ZNF804B: variants seen among roughly 807,000 people sequenced by gnomAD.
The protein encoded by ZNF804B is zinc finger protein 804B, also known as zinc finger 804B.
In ZNF804B, 80 loss-of-function variants were observed where a neutral mutation model predicts 101.4. The observed-to-expected ratio is 0.79, with a 90% CI of 0.66 to 0.95. The LOEUF (loss-of-function observed/expected upper bound fraction) is 0.95, where lower values mean the gene tolerates loss of function less well. Among genes scored for constraint, ZNF804B ranks in the 40% least tolerant of loss-of-function variants. The pLI is 0.00. For synonymous variants in ZNF804B, 622 were observed against 558.8 expected, an observed-to-expected ratio of 1.11 and a Z score of -1.59; for missense variants, 1,673 against 1,561.9, an observed-to-expected ratio of 1.07 and a Z score of -1.20.
chr7:88,999,523 C>T (rs1258654374), intron 1 of ZNF804B, among the ~76,000 whole-genome samples: 1 of 151,866 alleles, frequency 6.6e-6, no homozygotes, highest in East Asian at 1.9e-4. Flanking sequence ...GTCATTTTTC[C>T]TCCAATGAGG....
intron 1 of ZNF804B, among the ~76,000 whole-genome samples, chr7:88,904,379 A>G (rs1316103683): frequency 1.3e-5 from 2 of 151,972 alleles, no homozygotes; most frequent in Non-Finnish European, 2.9e-5. Flanking sequence ...TTGAAGTTGG[A>G]GAGTGTGATG....
intron 2 of ZNF804B, among the ~76,000 whole-genome samples, chr7:89,308,937 A>G (rs1790608530): frequency 6.6e-6 from 1 of 152,184 alleles, no homozygotes; most frequent in African/African-American, 2.4e-5. Flanking sequence ...CATGCCTAAG[A>G]AGAAACTAAT....
intron 1 of ZNF804B, among the ~76,000 whole-genome samples, chr7:88,933,315 T>C (rs1334646360): frequency 6.6e-6 from 1 of 151,746 alleles, no homozygotes; most frequent in African/African-American, 2.4e-5. Context: ...AAAAGACATA[T>C]ATGACAAACC....
chr7:89,275,563 T>C (rs1789968072), intron 2 of ZNF804B, among the ~76,000 whole-genome samples: 1 of 139,984 alleles, frequency 7.1e-6, no homozygotes, highest in Non-Finnish European at 1.6e-5. Context: ...TCTCTTTGGC[T>C]TGAACATTCT....
At chr7:89,090,023 A>T (rs1273489737) in intron 1 of ZNF804B, among the ~76,000 whole-genome samples, 1 of 152,124 alleles carries the variant, frequency 6.6e-6, no homozygotes, top group Admixed American at 6.5e-5. Context: ...TAAAATAAAT[A>T]GATCTGGCCA....
At chr7:88,771,851 A>T (rs1484357207) in intron 1 of ZNF804B, among the ~76,000 whole-genome samples, 5 of 152,198 alleles carry the variant, frequency 3.3e-5, no homozygotes, top group Admixed American at 1.3e-4. Context: ...ATTACTTGAG[A>T]GGAGATATGA....
At chr7:89,078,897 T>G (rs1410314466) in intron 1 of ZNF804B, among the ~76,000 whole-genome samples, 1 of 152,072 alleles carries the variant, frequency 6.6e-6, no homozygotes, top group African/African-American at 2.4e-5. Flanking sequence ...GCCTACTTTA[T>G]TCATTCAGGT....
intron 1 of ZNF804B, among the ~76,000 whole-genome samples, chr7:89,112,105 CAAAA>C (rs3060290): frequency 1.7e-5 from 2 of 118,792 alleles, no homozygotes; most frequent in Non-Finnish European, 1.7e-5. Flanking sequence ...GACTCTATCT[CAAAA>C]AAAAAAAAAA....
intron 1 of ZNF804B, among the ~76,000 whole-genome samples, chr7:88,939,577 C>G (rs982664734): frequency 2.6e-5 from 4 of 151,718 alleles, no homozygotes; most frequent in African/African-American, 9.7e-5. Flanking sequence ...TCATGTCATT[C>G]CAATGAATTA....
chr7:89,257,615 T>C (rs940456415), intron 2 of ZNF804B, among the ~76,000 whole-genome samples: 2 of 152,042 alleles, frequency 1.3e-5, no homozygotes, highest in African/African-American at 4.8e-5. Flanking sequence ...ATATATATAT[T>C]TTTAACTTTT....
intron 1 of ZNF804B, among the ~76,000 whole-genome samples, chr7:88,781,656 A>G (rs10262538): frequency 0.025 from 3,847 of 152,184 alleles, 155 homozygotes; most frequent in African/African-American, 0.088. Flanking sequence ...ATATTTCTGT[A>G]CTCATTCAAT....
chr7:89,051,318 C>T (rs924905007), intron 1 of ZNF804B, among the ~76,000 whole-genome samples: 1 of 152,060 alleles, frequency 6.6e-6, no homozygotes, highest in Admixed American at 6.6e-5. Context: ...CACAAGTAAA[C>T]TTTTAGGAAC....
intron 1 of ZNF804B, among the ~76,000 whole-genome samples, chr7:88,781,981 T>C (rs1312732391): frequency 6.6e-6 from 1 of 152,204 alleles, no homozygotes; most frequent in Non-Finnish European, 1.5e-5. Context: ...ACTCATTGTT[T>C]ATAGTCTATT....
intron 1 of ZNF804B, among the ~76,000 whole-genome samples, chr7:88,852,868 G>A (rs576638034): frequency 6.6e-6 from 1 of 152,156 alleles, no homozygotes; most frequent in East Asian, 1.9e-4. Context: ...ATACCAAACT[G>A]CCTCTTCTCT....
chr7:89,098,073 A>G (rs1789994538), intron 1 of ZNF804B, among the ~76,000 whole-genome samples: 1 of 152,146 alleles, frequency 6.6e-6, no homozygotes, highest in Admixed American at 6.5e-5. Context: ...TATAATTTAT[A>G]AAATTTCTTT....
chr7:88,815,971 C>T (rs376394024), intron 1 of ZNF804B, among the ~76,000 whole-genome samples: 2 of 152,108 alleles, frequency 1.3e-5, no homozygotes, highest in Admixed American at 6.6e-5. Context: ...TCTGTCACCC[C>T]GTACCAGGCC....
At chr7:88,899,929 T>G (rs1050409498) in intron 1 of ZNF804B, among the ~76,000 whole-genome samples, 1 of 152,180 alleles carries the variant, frequency 6.6e-6, no homozygotes, top group East Asian at 1.9e-4. Context: ...ATTTCATATG[T>G]AGGTTAAAAT....
chr7:88,867,623 G>A (rs988299251), intron 1 of ZNF804B, among the ~76,000 whole-genome samples: 1 of 152,140 alleles, frequency 6.6e-6, no homozygotes, highest in Non-Finnish European at 1.5e-5. Flanking sequence ...TGTTGTACCA[G>A]TTTTCTTGGT....
At chr7:89,128,312 A>T (rs1790502932) in intron 1 of ZNF804B, among the ~76,000 whole-genome samples, 1 of 151,942 alleles carries the variant, frequency 6.6e-6, no homozygotes, top group South Asian at 2.1e-4. Context: ...AATAAATTGT[A>T]GCAATTTCTC....
Sources: gnomAD v4.1 joint callset for allele counts (sites outside exome capture counted in the v4.1 genomes callset) on GRCh38, gnomAD v4.1.1 for gene constraint, MANE v1.5 for transcripts, NCBI Gene and HGNC (gene_info 2026-07-23, HGNC 2026-07-21) for gene names.